Variants in TACC2 observed in about 807,000 individuals in gnomAD.
The protein encoded by TACC2 is transforming acidic coiled-coil-containing protein 2.
In TACC2, 137 loss-of-function variants were observed where a neutral mutation model predicts 227.3. The observed-to-expected ratio is 0.60, with a 90% CI of 0.52 to 0.69. The LOEUF (loss-of-function observed/expected upper bound fraction) is 0.69. Among genes scored for constraint, TACC2 ranks in the 30% least tolerant of loss-of-function variants. The pLI, the probability that TACC2 is intolerant of heterozygous loss-of-function variation, is 0.00. For synonymous variants in TACC2, 1,523 were observed against 1,487.5 expected (o/e 1.02, Z -0.55); for missense variants, 3,470 against 3,694.4 (o/e 0.94, Z 1.57).
intron 1 of TACC2, among the ~76,000 whole-genome samples, chr10:122,016,187 G>A (rs1243248437): frequency 6.8e-6 from 1 of 148,012 alleles, no homozygotes; most frequent in Non-Finnish European, 1.5e-5. Context: ...GCTTGAGCCC[G>A]GAAGATCAAG....
intron 5 of TACC2, among the ~76,000 whole-genome samples, chr10:122,128,988 A>T (rs2087447708): frequency 6.6e-6 from 1 of 151,510 alleles, no homozygotes. Context: ...CATGCTGCTA[A>T]GTTTTTTCAA....
Position 122,147,968 on chromosome 10 carries a change from G to A in TACC2, c.5834+4262G>A, listed in dbSNP as rs2091594803. Among the ~76,000 whole-genome samples the A allele has an allele frequency of 2.6e-5, 4 of 152,290 alleles. 1 individual carries two copies. The South Asian group carries it at 8.3e-4, about 32-fold the overall frequency. ...CATGCGGCCATGGCCTGGATCCAGG[G>A]ATCCAATCAACCGTGTTTTTTCCCT... On this transcript the variant is annotated intron_variant, in intron 7 of 22. Transcript: ENST00000369005.
At chr10:122,089,274 A>G (rs1471742579) in intron 5 of TACC2, among the ~76,000 whole-genome samples, 1 of 152,116 alleles carries the variant, frequency 6.6e-6, no homozygotes, top group Non-Finnish European at 1.5e-5. Flanking sequence ...GCCCCTAGAT[A>G]TCATACCCCA....
chr10:122,160,138 T>C (rs190715016), intron 7 of TACC2, among the ~76,000 whole-genome samples: 1 of 152,344 alleles, frequency 6.6e-6, no homozygotes, highest in East Asian at 1.9e-4. Flanking sequence ...AGGCACATAA[T>C]AGGTGCATTA....
chr10:122,016,528 C>T (rs1202736947), intron 1 of TACC2, among the ~76,000 whole-genome samples: 1 of 149,280 alleles, frequency 6.7e-6, no homozygotes, highest in Non-Finnish European at 1.5e-5. Flanking sequence ...GATTGCACCA[C>T]TGTACTCCAG....
At chr10:122,238,981 T>C (rs1288907882) in intron 18 of TACC2, among the ~76,000 whole-genome samples, 1 of 152,016 alleles carries the variant, frequency 6.6e-6, no homozygotes, top group East Asian at 1.9e-4. Flanking sequence ...TGTACATAAG[T>C]GCAATGGCCG....
At chr10:122,167,811 G>C (rs1312924479) in intron 7 of TACC2, among the ~76,000 whole-genome samples, 1 of 152,220 alleles carries the variant, frequency 6.6e-6, no homozygotes, top group East Asian at 1.9e-4. Context: ...CAGCCTCTCA[G>C]TCACTCAGAA....
chr10:122,154,297 T>G (rs1443445023), intron 7 of TACC2, among the ~76,000 whole-genome samples: 1 of 152,224 alleles, frequency 6.6e-6, no homozygotes, highest in Non-Finnish European at 1.5e-5. Flanking sequence ...GGCATGGGTG[T>G]GTGTATAAAC....
intron 2 of TACC2, among the ~76,000 whole-genome samples, chr10:122,030,747 T>C (rs748319294): frequency 6.6e-6 from 1 of 151,654 alleles, no homozygotes; most frequent in Non-Finnish European, 1.5e-5. Flanking sequence ...GGGTTGCCTT[T>C]AGGATTCCAG....
intron 5 of TACC2, among the ~76,000 whole-genome samples, chr10:122,122,504 T>TTA (rs374768538): frequency 4.0e-5 from 6 of 151,644 alleles, no homozygotes; most frequent in Non-Finnish European, 8.8e-5. Context: ...TTTTTTTTTT[T>TTA]AATAGCTGAA....
At chr10:122,177,883 C>G (rs2093797455) in intron 7 of TACC2, among the ~76,000 whole-genome samples, 1 of 152,240 alleles carries the variant, frequency 6.6e-6, no homozygotes, top group Admixed American at 6.5e-5. Flanking sequence ...CATTTCATGC[C>G]TCTGAGAGGC....
chr10:122,250,852 C>T (rs1399316036), intron 22 of TACC2, among the ~76,000 whole-genome samples: 2 of 151,820 alleles, frequency 1.3e-5, no homozygotes, highest in East Asian at 3.9e-4. Flanking sequence ...GGCCCTGTGC[C>T]CTATTGGATG....
intron 1 of TACC2, among the ~76,000 whole-genome samples, chr10:122,016,566 T>TAA (rs35641018): frequency 1.2e-3 from 157 of 135,172 alleles, no homozygotes; most frequent in South Asian, 0.011. Context: ...GACTCTGTCT[T>TAA]AAAAAAAAAA....
intron 5 of TACC2, among the ~76,000 whole-genome samples, chr10:122,115,263 G>T (rs574274318): frequency 5.8e-5 from 8 of 139,018 alleles, no homozygotes; most frequent in Middle Eastern, 7.2e-3. Flanking sequence ...CAAGGAGGTA[G>T]GTAGGTGAGT....
At chr10:122,201,065 T>C (rs2094812667) in intron 8 of TACC2, among the ~76,000 whole-genome samples, 1 of 120,750 alleles carries the variant, frequency 8.3e-6, no homozygotes, top group Non-Finnish European at 1.7e-5. Context: ...ACATCTACAG[T>C]GAGAGGACGG....
Position 122,143,596 on chromosome 10 carries a change from G to C in TACC2, c.5724G>C (p.Ala1908=), listed in dbSNP as rs565889394. Residue 1908 remains alanine (A), a synonymous_variant, in exon 7 of 23, where the codon GCG becomes GCC. Coordinates refer to ENST00000369005, the MANE Select transcript of TACC2 (RefSeq NM_206862.4). ...AQSISPAAAH[A]GLPPSAAEHI... is the part of the protein sequence containing the mutation. ...GCATCTCCCCAGCTGCTGCCCATGC[G>C]GGTCTTCCTCCCTCGGCTGCAGAAC... The C allele has an allele frequency of 6.2e-7, 1 of 1,614,062 alleles. No individual in the cohort carries two copies. Among genetic ancestry groups the C allele is most frequent in the East Asian group, 2.2e-5 (1 of 44,882 alleles).
At position 122,188,565 on chromosome 10, in the gene TACC2, A is replaced by G. The variant is rs536145259; in HGVS notation, c.5835-6475A>G. Among the ~76,000 whole-genome samples the G allele has an allele frequency of 2.6e-5, 4 of 152,320 alleles. No homozygotes were observed. The South Asian group carries it at 6.2e-4, about 24-fold the overall frequency. ...TGGCCTCCCAAAGTGCTGGGATTAC[A>G]GGCATGAGCCACGGTGCCTGACCAT... On this transcript the variant is annotated intron_variant, in intron 7 of 22. Coordinates refer to ENST00000369005, the MANE Select transcript of TACC2 (RefSeq NM_206862.4).
chr10:122,191,824 A>T (rs2094421480), intron 7 of TACC2, among the ~76,000 whole-genome samples: 1 of 152,116 alleles, frequency 6.6e-6, no homozygotes, highest in Non-Finnish European at 1.5e-5. Context: ...CTTTTCTTTC[A>T]TTTTTAAAAT....
At chr10:122,019,054 G>A (rs1188246287) in intron 1 of TACC2, among the ~76,000 whole-genome samples, 1 of 152,254 alleles carries the variant, frequency 6.6e-6, no homozygotes, top group African/African-American at 2.4e-5. Flanking sequence ...TGCATGCAAA[G>A]GATGGCTGAG....
Sources: gnomAD v4.1 joint callset for allele counts (sites outside exome capture counted in the v4.1 genomes callset) on GRCh38, gnomAD v4.1.1 for gene constraint, MANE v1.5 for transcripts, NCBI Gene and HGNC (gene_info 2026-07-23, HGNC 2026-07-21) for gene names.